PCMTD1: variants seen among roughly 807,000 people sequenced by gnomAD.
The protein encoded by PCMTD1 is protein-L-isoaspartate (D-aspartate) O-methyltransferase domain containing 1.
In PCMTD1, 12 loss-of-function variants were observed where a neutral mutation model predicts 37.6. The observed-to-expected ratio is 0.32, with a 90% CI of 0.20 to 0.52. PCMTD1 has a LOEUF of 0.52. Among genes scored for constraint, PCMTD1 ranks in the 20% least tolerant of loss-of-function variants. PCMTD1 has a pLI of 0.97. For synonymous variants in PCMTD1, 117 were observed against 135.8 expected (o/e 0.86, Z 0.96); for missense variants, 235 against 421.3 (o/e 0.56, Z 3.87).
intron 1 of PCMTD1, among the ~76,000 whole-genome samples, chr8:51,882,292 C>T (rs1334644489): frequency 1.3e-5 from 2 of 152,118 alleles, no homozygotes; most frequent in South Asian, 2.1e-4. Flanking sequence ...TTTAAAATGA[C>T]GCTATTGGAT....
chr8:51,887,026 C>T (rs892087196), intron 1 of PCMTD1, among the ~76,000 whole-genome samples: 3 of 151,696 alleles, frequency 2.0e-5, no homozygotes, highest in Admixed American at 6.6e-5. Context: ...AGAAACATGA[C>T]GCTGATTCCT....
At chr8:51,873,821 C>A (rs2038673132) in intron 1 of PCMTD1, among the ~76,000 whole-genome samples, 1 of 152,148 alleles carries the variant, frequency 6.6e-6, no homozygotes, top group Admixed American at 6.5e-5. Flanking sequence ...GTCAGTACCC[C>A]ACTTCCTGTA....
chr8:51,863,561 T>C (rs2038505702), intron 1 of PCMTD1, among the ~76,000 whole-genome samples: 1 of 152,172 alleles, frequency 6.6e-6, no homozygotes, highest in Admixed American at 6.5e-5. Flanking sequence ...AGTGGGTGGG[T>C]GGATCACCTG....
At chr8:51,826,817 A>C (rs1237638152) in intron 5 of PCMTD1, 1 of 668,316 alleles carries the variant, frequency 1.5e-6, no homozygotes, top group African/African-American at 1.9e-5. Context: ...TAAACAATGC[A>C]TCTTTCTTTT....
At chr8:51,897,828 A>G (rs917886068) in intron 1 of PCMTD1, among the ~76,000 whole-genome samples, 3 of 152,164 alleles carry the variant, frequency 2.0e-5, no homozygotes, top group Non-Finnish European at 4.4e-5. Flanking sequence ...TAAAATAATG[A>G]GGTGTGTAAT....
intron 3 of PCMTD1, among the ~76,000 whole-genome samples, chr8:51,834,458 T>C (rs2038039065): frequency 6.6e-6 from 1 of 152,170 alleles, no homozygotes; most frequent in Non-Finnish European, 1.5e-5. Context: ...ATTTCTTAAA[T>C]TTTGATAAAA....
At chr8:51,884,991 C>T (rs1249449568) in intron 1 of PCMTD1, among the ~76,000 whole-genome samples, 1 of 152,172 alleles carries the variant, frequency 6.6e-6, no homozygotes, top group African/African-American at 2.4e-5. Flanking sequence ...GGTTCTGTTA[C>T]AGTAAATAAT....
At chr8:51,870,039 T>C (rs1372036641) in intron 1 of PCMTD1, among the ~76,000 whole-genome samples, 3 of 152,190 alleles carry the variant, frequency 2.0e-5, no homozygotes, top group Non-Finnish European at 4.4e-5. Flanking sequence ...GGATGCCTTC[T>C]GGAGGATTAA....
chr8:51,886,166 T>G (rs569962070), intron 1 of PCMTD1, among the ~76,000 whole-genome samples: 8 of 152,228 alleles, frequency 5.3e-5, no homozygotes, highest in African/African-American at 1.9e-4. Flanking sequence ...CTCCAACATA[T>G]TGCCGAAGAG....
chr8:51,871,472 T>A (rs1408517845), intron 1 of PCMTD1, among the ~76,000 whole-genome samples: 2 of 152,194 alleles, frequency 1.3e-5, no homozygotes, highest in South Asian at 2.1e-4. Context: ...AAGACAGCAG[T>A]CAGATACCAA....
At chr8:51,898,756 G>C (rs2039049686) in intron 1 of PCMTD1, among the ~76,000 whole-genome samples, 174 bp downstream of exon 1, 1 of 135,754 alleles carries the variant, frequency 7.4e-6, no homozygotes, top group East Asian at 2.2e-4. Flanking sequence ...GCCCCGCAGC[G>C]CCTCAGTTTC....
intron 1 of PCMTD1, among the ~76,000 whole-genome samples, chr8:51,893,651 G>A (rs1436390320): frequency 2.6e-5 from 4 of 152,026 alleles, no homozygotes; most frequent in Admixed American, 2.0e-4. Flanking sequence ...TTTATATACA[G>A]TACCAAGAAA....
At chr8:51,854,912 C>T (rs1401111044) in intron 2 of PCMTD1, among the ~76,000 whole-genome samples, 2 of 148,158 alleles carry the variant, frequency 1.3e-5, no homozygotes, top group Non-Finnish European at 3.0e-5. Context: ...TGGTGGCTCA[C>T]GCCTGTAATC....
chr8:51,899,010 A>ATT lies in PCMTD1; in HGVS notation c.-177_-176insAA. The ATT allele has an allele frequency of 2.0e-6, 3 of 1,513,006 alleles. No individual in the cohort carries two copies. Among genetic ancestry groups the ATT allele is most frequent in the Non-Finnish European group, 2.6e-6 (3 of 1,137,722 alleles). The allele number at this position is 1,513,006 out of a possible 1,614,324, so 93.7% of individuals were successfully genotyped here. ...GCAGCCAGACGCCGCTACCACCACAATAACAACACGGACGCCACCGCCGAG... is the reference window on the plus strand; with the variant it reads ...GCAGCCAGACGCCGCTACCACCACAATTTAACAACACGGACGCCACCGCCGAG... On this transcript the variant is annotated 5_prime_UTR_variant, in exon 1 of 6. Coordinates refer to ENST00000522514, the MANE Select transcript of PCMTD1 (RefSeq NM_052937.4).
chr8:51,830,614 T>C (rs2037984739), intron 5 of PCMTD1, among the ~76,000 whole-genome samples: 1 of 152,180 alleles, frequency 6.6e-6, no homozygotes, highest in African/African-American at 2.4e-5. Flanking sequence ...CCTGCCTTTT[T>C]TTCCTATGAT....
chr8:51,897,588 TAA>T (rs1418737413), intron 1 of PCMTD1, among the ~76,000 whole-genome samples: 1 of 152,242 alleles, frequency 6.6e-6, no homozygotes, highest in African/African-American at 2.4e-5. Flanking sequence ...TAGCCTCATG[TAA>T]ACTACCATTA....
Sources: gnomAD v4.1 joint callset for allele counts (sites outside exome capture counted in the v4.1 genomes callset) on GRCh38, gnomAD v4.1.1 for gene constraint, MANE v1.5 for transcripts, NCBI Gene and HGNC (gene_info 2026-07-23, HGNC 2026-07-21) for gene names.